PPP1R12A: variants seen among roughly 807,000 people sequenced by gnomAD.
PPP1R12A encodes protein phosphatase 1 regulatory subunit 12A.
PPP1R12A carries 19 observed loss-of-function variants against 139.6 expected under a neutral mutation model. The ratio of observed to expected loss-of-function variants is 0.14; its 90% confidence interval spans 0.09 to 0.20. PPP1R12A has a LOEUF of 0.20. Among genes scored for constraint, PPP1R12A ranks in the 10% least tolerant of loss-of-function variants. The pLI, the probability that PPP1R12A is intolerant of heterozygous loss-of-function variation, is 1.00. For synonymous variants in PPP1R12A, 427 were observed against 420.6 expected, an observed-to-expected ratio of 1.02 and a Z score of -0.19; for missense variants, 925 against 1,211.5, an observed-to-expected ratio of 0.76 and a Z score of 3.51.
intron 5 of PPP1R12A, among the ~76,000 whole-genome samples, chr12:79,824,472 A>G (rs1455082538): frequency 6.6e-6 from 1 of 152,178 alleles, no homozygotes; most frequent in Non-Finnish European, 1.5e-5. Context: ...TAAGAATAAG[A>G]AATTGGATCA....
At chr12:79,833,068 T>C (rs1313736438) in intron 3 of PPP1R12A, among the ~76,000 whole-genome samples, 1 of 151,532 alleles carries the variant, frequency 6.6e-6, no homozygotes, top group African/African-American at 2.4e-5. Context: ...TGTTCATTCA[T>C]TTAAAAGCAC....
intron 1 of PPP1R12A, among the ~76,000 whole-genome samples, chr12:79,898,990 A>G (rs1055462196): frequency 6.6e-6 from 1 of 152,154 alleles, no homozygotes; most frequent in African/African-American, 2.4e-5. Flanking sequence ...TTTTACAGTG[A>G]ACACCTATAT....
intron 14 of PPP1R12A, among the ~76,000 whole-genome samples, chr12:79,805,191 T>C (rs1873674445): frequency 1.3e-5 from 2 of 152,184 alleles, no homozygotes; most frequent in Admixed American, 6.5e-5. Context: ...TCAACATCCT[T>C]CAAATTTCTT....
chr12:79,886,601 A>G (rs1884128049), intron 1 of PPP1R12A, among the ~76,000 whole-genome samples: 1 of 152,202 alleles, frequency 6.6e-6, no homozygotes, highest in Non-Finnish European at 1.5e-5. Context: ...GAGTAATTAT[A>G]GAAGAACAGT....
At chr12:79,898,417 C>T (rs1033339345) in intron 1 of PPP1R12A, among the ~76,000 whole-genome samples, 2 of 152,120 alleles carry the variant, frequency 1.3e-5, no homozygotes, top group African/African-American at 2.4e-5. Context: ...GATGGTGCCA[C>T]GGCACTCCAG....
chr12:79,905,335 T>TTCC (rs1886001389), intron 1 of PPP1R12A, among the ~76,000 whole-genome samples: 3 of 49,756 alleles, frequency 6.0e-5, no homozygotes, highest in Non-Finnish European at 1.8e-4. Context: ...TGTTTTGTTT[T>TTCC]GCCGCCCCCC....
At chr12:79,795,813 G>T (rs909855947) in intron 17 of PPP1R12A, 54 bp from the exon 18 acceptor site, 2 of 1,561,172 alleles carry the variant, frequency 1.3e-6, no homozygotes, top group African/African-American at 2.8e-5. Context: ...ACAATATTTT[G>T]CAAGGTAATT....
rs1188070374 is a variant in PPP1R12A at position 79,934,862 on chromosome 12, G to C, written c.70C>G (p.Leu24Val). 9.3e-6 allele frequency: 15 copies of C among 1,611,536 alleles called. No individual in the cohort carries two copies. The South Asian group carries it at 1.7e-4, about 18-fold the overall frequency. ...TGGCGCTTCACCACCGGAGGCTCGA[G>C]GTCCGTCTCGGAGCCGATCCAGCGT... ...LKRWIGSETDLEPPVVKRQKT... is the reference protein window; with the variant it reads ...LKRWIGSETDVEPPVVKRQKT... Residue 24 changes from leucine to valine, a missense_variant, in exon 1 of 25, where the codon CTC (leucine) becomes GTC (valine). By Grantham distance (32) the Leu-to-Val change is conservative (BLOSUM62 1). Coordinates refer to ENST00000450142, the MANE Select transcript of PPP1R12A (RefSeq NM_002480.3).
Position 79,904,720 on chromosome 12 carries a change from G to A in PPP1R12A, c.237+29975C>T, listed in dbSNP as rs148420089. On this transcript the variant is annotated intron_variant, in intron 1 of 24. Transcript: ENST00000450142. ...TTAAGCAATTGGCTGCTTAATATAC[G>A]TGAAAGCATCTGCAGATTTCACTTG... 4.4e-3 allele frequency among the ~76,000 whole-genome samples: 666 copies of A among 152,166 alleles called. 6 individuals are homozygous for A. Among genetic ancestry groups the A allele is most frequent in the Admixed American group, 0.026 (395 of 15,290 alleles).
Position 79,798,063 on chromosome 12 carries a change from T to C in PPP1R12A, c.2091+431A>G, listed in dbSNP as rs182396269. ...TACTTGCATATTAGTTGTTTATACC[T>C]AATATACGAGCCTATTCTCTGCCCC... On this transcript the variant is annotated intron_variant, in intron 15 of 24. Coordinates refer to ENST00000450142, the MANE Select transcript of PPP1R12A (RefSeq NM_002480.3). Among the ~76,000 whole-genome samples, 393 of 152,294 alleles carry C rather than the reference T, an allele frequency of 2.6e-3. 1 individual carries two copies. Among genetic ancestry groups the C allele is most frequent in the Non-Finnish European group, 4.8e-3 (328 of 67,998 alleles).
Position 79,904,224 on chromosome 12 carries a change from A to G in PPP1R12A, c.237+30471T>C, listed in dbSNP as rs117073337. On this transcript the variant is annotated intron_variant, in intron 1 of 24. Coordinates refer to ENST00000450142, the MANE Select transcript of PPP1R12A (RefSeq NM_002480.3). ...AGTAAGACTCTGTCTCCAAAAAAAA[A>G]AAGGAGTGTATCCCTTTTTTCTCCC... 4.9e-4 allele frequency among the ~76,000 whole-genome samples: 75 copies of G among 152,064 alleles called. No individual in the cohort carries two copies. The East Asian group carries it at 5.1e-3, about 10-fold the overall frequency.
chr12:79,927,464 T>C (rs1397226612), intron 1 of PPP1R12A, among the ~76,000 whole-genome samples: 2 of 152,154 alleles, frequency 1.3e-5, no homozygotes, highest in Non-Finnish European at 2.9e-5. Context: ...CTTAAAAGTA[T>C]GGGCTAGCTA....
intron 14 of PPP1R12A, among the ~76,000 whole-genome samples, chr12:79,803,372 C>A (rs1433243684): frequency 6.6e-6 from 1 of 152,044 alleles, no homozygotes; most frequent in Non-Finnish European, 1.5e-5. Flanking sequence ...ATATACCCAC[C>A]AAACCCCATA....
At chr12:79,885,418 A>G (rs1266874410) in intron 1 of PPP1R12A, among the ~76,000 whole-genome samples, 3 of 152,206 alleles carry the variant, frequency 2.0e-5, no homozygotes, top group African/African-American at 7.2e-5. Flanking sequence ...TTATTATTCT[A>G]GAATGCATTT....
intron 1 of PPP1R12A, among the ~76,000 whole-genome samples, chr12:79,889,060 A>G (rs867624214): frequency 6.6e-6 from 1 of 152,224 alleles, no homozygotes; most frequent in Non-Finnish European, 1.5e-5. Context: ...ATGTCCATCA[A>G]TAAAGAACTA....
chr12:79,846,390 A>C (rs1879393691), intron 2 of PPP1R12A, among the ~76,000 whole-genome samples: 1 of 152,088 alleles, frequency 6.6e-6, no homozygotes, highest in South Asian at 2.1e-4. Flanking sequence ...CATCTACTGA[A>C]CGATGTAACT....
intron 24 of PPP1R12A, chr12:79,777,341 A>G: frequency 1.0e-6 from 1 of 981,768 alleles, no homozygotes; most frequent in South Asian, 4.7e-5. Flanking sequence ...TAGCTCATCA[A>G]TTGCAATATA....
At chr12:79,840,027 A>G (rs926275923) in intron 3 of PPP1R12A, among the ~76,000 whole-genome samples, 1 of 152,020 alleles carries the variant, frequency 6.6e-6, no homozygotes, top group Non-Finnish European at 1.5e-5. Flanking sequence ...TCAAATGAAC[A>G]TCATGAAGTA....
chr12:79,790,437 A>C, intron 20 of PPP1R12A, 30 bp downstream of exon 20: 8 of 1,265,896 alleles, frequency 6.3e-6, no homozygotes, highest in Non-Finnish European at 8.6e-6. Flanking sequence ...ATAAGAAAAA[A>C]ATGTCAGTTA....
Sources: gnomAD v4.1 joint callset for allele counts (sites outside exome capture counted in the v4.1 genomes callset) on GRCh38, gnomAD v4.1.1 for gene constraint, MANE v1.5 for transcripts, NCBI Gene and HGNC (gene_info 2026-07-23, HGNC 2026-07-21) for gene names.